The following CACNG2 variants were observed in gnomAD, a reference collection of about 807,000 sequenced individuals.
CACNG2 encodes calcium voltage-gated channel auxiliary subunit gamma 2.
A neutral mutation model predicts 25.9 loss-of-function variants in CACNG2; 3 were observed. That is an observed-to-expected ratio of 0.12 (90% CI 0.05 to 0.30). The LOEUF is 0.30. CACNG2 is among the 10% of genes least tolerant of loss of function. The pLI, the probability that CACNG2 is intolerant of heterozygous loss-of-function variation, is 1.00. For missense variants in CACNG2, 341 were observed against 432.5 expected, an observed-to-expected ratio of 0.79 and a Z score of 1.88; for synonymous variants, 167 against 173.3, an observed-to-expected ratio of 0.96 and a Z score of 0.29.
intron 1 of CACNG2, among the ~76,000 whole-genome samples, chr22:36,599,013 T>C (rs941251065): frequency 1.3e-5 from 2 of 152,126 alleles, no homozygotes; most frequent in Non-Finnish European, 2.9e-5. Flanking sequence ...AAAACATACG[T>C]ATAGCCTGCA....
At chr22:36,604,382 T>C (rs936099562) in intron 1 of CACNG2, among the ~76,000 whole-genome samples, 3 of 152,314 alleles carry the variant, frequency 2.0e-5, no homozygotes, top group Middle Eastern at 3.4e-3. Context: ...ATTTAGAAGA[T>C]GATATAAAGT....
intron 1 of CACNG2, among the ~76,000 whole-genome samples, chr22:36,698,513 G>A (rs375005573): frequency 9.2e-5 from 14 of 152,174 alleles, no homozygotes; most frequent in African/African-American, 3.1e-4. Context: ...TGGCTGAGCC[G>A]AGCGTGGAGC....
chr22:36,631,765 C>T (rs1302777072), intron 1 of CACNG2, among the ~76,000 whole-genome samples: 2 of 148,980 alleles, frequency 1.3e-5, no homozygotes, highest in African/African-American at 5.0e-5. Flanking sequence ...ACTGTGAAGC[C>T]AGTTTGGGTT....
intron 1 of CACNG2, among the ~76,000 whole-genome samples, chr22:36,626,484 C>T (rs747756807): frequency 6.6e-6 from 1 of 151,980 alleles, no homozygotes; most frequent in Non-Finnish European, 1.5e-5. Context: ...TCCTTCTTCC[C>T]GCTCCTCCTC....
At chr22:36,654,020 AT>A (rs1936666475) in intron 1 of CACNG2, among the ~76,000 whole-genome samples, 1 of 123,906 alleles carries the variant, frequency 8.1e-6, no homozygotes, top group South Asian at 2.7e-4. Context: ...GTGTTTATGT[AT>A]GTGCGCATTT....
chr22:36,577,664 A>G (rs1326380390), intron 2 of CACNG2, among the ~76,000 whole-genome samples: 3 of 151,802 alleles, frequency 2.0e-5, no homozygotes, highest in Admixed American at 6.6e-5. Flanking sequence ...AAAAAAAAAA[A>G]AAAAAAGAAA....
intron 1 of CACNG2, among the ~76,000 whole-genome samples, chr22:36,657,568 G>A (rs901439821): frequency 1.3e-5 from 2 of 152,032 alleles, no homozygotes; most frequent in Non-Finnish European, 2.9e-5. Flanking sequence ...TCTGGATTGA[G>A]GAGTTCATCT....
At position 36,637,759 on chromosome 22, in the gene CACNG2, C is replaced by T. The variant is rs139414647; in HGVS notation, c.212-50211G>A. ...TCCTGGCCAGGTGCGGTGGCTCACGCCTGTAATCCCAGGACTTTGGGATGC... is the reference window on the plus strand; with the variant it reads ...TCCTGGCCAGGTGCGGTGGCTCACGTCTGTAATCCCAGGACTTTGGGATGC... On this transcript the variant is annotated intron_variant, in intron 1 of 3. Transcript: ENST00000300105. 8.8e-3 allele frequency among the ~76,000 whole-genome samples: 1,346 copies of T among 152,240 alleles called. 28 individuals are homozygous for T. Among genetic ancestry groups the T allele is most frequent in the African/African-American group, 0.031 (1,285 of 41,528 alleles).
chr22:36,622,684 C>T (rs965260344), intron 1 of CACNG2, among the ~76,000 whole-genome samples: 1 of 152,038 alleles, frequency 6.6e-6, no homozygotes, highest in Non-Finnish European at 1.5e-5. Context: ...AAGGGCTGGG[C>T]GCGGTGGCTC....
intron 3 of CACNG2, among the ~76,000 whole-genome samples, chr22:36,565,467 T>C (rs1162326616): frequency 1.3e-5 from 2 of 151,808 alleles, no homozygotes; most frequent in Non-Finnish European, 2.9e-5. Context: ...TGAGTACTCT[T>C]AGATGTTGGT....
chr22:36,603,502 A>G (rs1014286744), intron 1 of CACNG2, among the ~76,000 whole-genome samples: 1 of 152,242 alleles, frequency 6.6e-6, no homozygotes, highest in African/African-American at 2.4e-5. Context: ...TTGGAAGAAG[A>G]TGCCATCTAG....
chr22:36,566,801 C>T (rs1343177028), intron 2 of CACNG2, among the ~76,000 whole-genome samples: 2 of 152,236 alleles, frequency 1.3e-5, no homozygotes, highest in African/African-American at 4.8e-5. Flanking sequence ...TGTTCTCTCT[C>T]GTCCCACCAC....
intron 1 of CACNG2, among the ~76,000 whole-genome samples, chr22:36,655,992 G>C (rs1936700562): frequency 6.6e-6 from 1 of 151,906 alleles, no homozygotes; most frequent in African/African-American, 2.4e-5. Context: ...ATTTTTAGTA[G>C]AGACAGGGTT....
At chr22:36,630,304 A>G (rs751985125) in intron 1 of CACNG2, among the ~76,000 whole-genome samples, 2 of 152,128 alleles carry the variant, frequency 1.3e-5, no homozygotes, top group Non-Finnish European at 2.9e-5. Context: ...TGGACAGGAG[A>G]TGGCAGTTTG....
chr22:36,685,849 T>C (rs1937189504), intron 1 of CACNG2, among the ~76,000 whole-genome samples: 1 of 152,218 alleles, frequency 6.6e-6, no homozygotes, highest in African/African-American at 2.4e-5. Flanking sequence ...TGTTCATTAT[T>C]ACTACTATTT....
intron 1 of CACNG2, among the ~76,000 whole-genome samples, chr22:36,605,152 G>C (rs1278857190): frequency 1.3e-5 from 2 of 151,998 alleles, no homozygotes; most frequent in Non-Finnish European, 2.9e-5. Flanking sequence ...TCAGCTCACT[G>C]CAACCTCTGT....
chr22:36,702,305 AG>A (rs1452361931), intron 1 of CACNG2, 60 bp downstream of exon 1: 9 of 742,562 alleles, frequency 1.2e-5, no homozygotes, highest in African/African-American at 1.0e-4. Flanking sequence ...GAGGGTGGGG[AG>A]GGGGGAGTGA....
At chr22:36,573,498 A>G (rs1935266258) in intron 2 of CACNG2, among the ~76,000 whole-genome samples, 1 of 152,134 alleles carries the variant, frequency 6.6e-6, no homozygotes, top group South Asian at 2.1e-4. Flanking sequence ...CACCTGGCTA[A>G]TTTTTGTATT....
chr22:36,648,357 C>T (rs975053315), intron 1 of CACNG2, among the ~76,000 whole-genome samples: 12 of 152,240 alleles, frequency 7.9e-5, no homozygotes, highest in African/African-American at 2.4e-4. Context: ...AATTCTTTAT[C>T]AGTGAAATCA....
Sources: allele counts gnomAD v4.1 joint callset (sites outside exome capture counted in the v4.1 genomes callset), GRCh38; gene constraint gnomAD v4.1.1; transcripts MANE v1.5; gene names NCBI Gene and HGNC (gene_info 2026-07-23, HGNC 2026-07-21).